NCOA3: variants seen among roughly 807,000 people sequenced by gnomAD.
The protein encoded by NCOA3 is nuclear receptor coactivator 3.
A neutral mutation model predicts 158.8 loss-of-function variants in NCOA3; 51 were observed. That is an observed-to-expected ratio of 0.32 (90% CI 0.26 to 0.41). The LOEUF is 0.41. Ranked by LOEUF, NCOA3 falls within the 10% of genes least tolerant of loss-of-function variation. NCOA3 has a pLI of 1.00. For missense variants in NCOA3, 1,510 were observed against 1,746.6 expected, an observed-to-expected ratio of 0.86 and a Z score of 2.41; for synonymous variants, 537 against 592.4, an observed-to-expected ratio of 0.91 and a Z score of 1.36.
At position 47,656,187 on chromosome 20, in the gene NCOA3, G is replaced by GATCAGAATGAT; in HGVS notation, c.*2773_*2783dup. ...AAATAAAATATATATATTTTATAAA[G>GATCAGAATGAT]ATCAGAATGATATAAAGGAGATACA... On this transcript the variant is annotated 3_prime_UTR_variant, in exon 23 of 23. Coordinates refer to ENST00000371998, the MANE Select transcript of NCOA3 (RefSeq NM_181659.3). 1 of 142,718 alleles carries GATCAGAATGAT rather than the reference G, an allele frequency of 7.0e-6. No homozygotes were observed. Among genetic ancestry groups the GATCAGAATGAT allele is most frequent in the African/African-American group, 2.6e-5 (1 of 38,720 alleles). The allele number at this position is 142,718 out of a possible 1,614,324, so 8.8% of individuals were successfully genotyped here.
chr20:47,545,503 T>A (rs2084814020), intron 1 of NCOA3, among the ~76,000 whole-genome samples: 1 of 152,122 alleles, frequency 6.6e-6, no homozygotes, highest in South Asian at 2.1e-4. Flanking sequence ...TGTTGGTTGG[T>A]CTGACACATT....
intron 2 of NCOA3, among the ~76,000 whole-genome samples, chr20:47,584,354 G>A (rs981843446): frequency 2.0e-4 from 30 of 151,930 alleles, no homozygotes; most frequent in African/African-American, 4.8e-5. Context: ...ATGCGGTGGC[G>A]CATGCCTGTA....
Position 47,635,656 on chromosome 20 carries a change from TCTC to T in NCOA3, c.1451_1453del (p.Pro484del), listed in dbSNP as rs769649621. The T allele has an allele frequency of 6.2e-7, 1 of 1,614,156 alleles. No homozygotes were observed. The highest frequency in any genetic ancestry group is 1.7e-5 in the Admixed American group (1 of 60,020). On this transcript the variant is annotated inframe_deletion, in exon 11 of 23. Transcript: ENST00000371998. ...CCCAAACCAGCAGAATATCATGATT[TCTC>T]CTCGTAATCGTGGGAGTCCAAAGAT...
intron 4 of NCOA3, among the ~76,000 whole-genome samples, chr20:47,624,692 T>C (rs2086293805): frequency 6.6e-6 from 1 of 152,184 alleles, no homozygotes; most frequent in African/African-American, 2.4e-5. Flanking sequence ...TGCTCCTTTG[T>C]TTGGGTAGAG....
intron 1 of NCOA3, among the ~76,000 whole-genome samples, chr20:47,543,983 TTTTGAAATAATTTTAGAC>T (rs1209954359): frequency 6.6e-6 from 1 of 152,184 alleles, no homozygotes; most frequent in African/African-American, 2.4e-5. Flanking sequence ...AAAAAAACTA[TTTTGAAATAATTTTAGAC>T]TTTTGGGAAT....
rs562506410 is a variant in NCOA3, at chr20:47,633,484, T to C, written c.824-12T>C. 4 of 1,596,778 alleles carry C rather than the reference T, an allele frequency of 2.5e-6. No individual in the cohort carries two copies. The highest frequency in any genetic ancestry group is 1.8e-5 in the Admixed American group (1 of 55,360). On this transcript the variant is annotated splice_polypyrimidine_tract_variant and intron_variant, in intron 8 of 22. Transcript: ENST00000371998. The stretch of plus-strand genomic sequence containing the variant: ...TGGATATAAGTCTTTTTTTCCTTTT[T>C]TTGTTTAATAGGAAAGGTTGTCAAT...
chr20:47,502,239 A>C (rs2083944349), intron 1 of NCOA3, among the ~76,000 whole-genome samples: 1 of 152,084 alleles, frequency 6.6e-6, no homozygotes, highest in Non-Finnish European at 1.5e-5. Context: ...GTAGGAGCTG[A>C]GACGAAGCTG....
At chr20:47,604,353 CA>C (rs2085910506) in intron 2 of NCOA3, among the ~76,000 whole-genome samples, 1 of 152,194 alleles carries the variant, frequency 6.6e-6, no homozygotes, top group Non-Finnish European at 1.5e-5. Context: ...TTCCCCTCTT[CA>C]CTATGCTTCA....
rs770678493 is a variant in NCOA3, at chr20:47,634,107, A to G, written c.1024A>G (p.Ile342Val). The G allele has an allele frequency of 3.1e-6, 5 of 1,614,204 alleles. No individual in the cohort carries two copies. The African/African-American group carries it at 6.7e-5, about 22-fold the overall frequency. ...VYRFSLADGT[I>V]VTAQTKSKLF... ...TCGATTCTCGTTGGCTGATGGAACT[A>G]TAGTGACTGCACAGACAAAAAGCAA... Residue 342 changes from isoleucine (I) to valine (V), a missense_variant, in exon 10 of 23, where the codon ATA becomes GTA. Ile to Val is a conservative substitution (Grantham distance 29). Around this residue, in one of 4 missense-constraint regions of NCOA3, gnomAD observed 309 missense variants for 427.1 expected, o/e 0.72. Coordinates refer to ENST00000371998, the MANE Select transcript of NCOA3 (RefSeq NM_181659.3).
At chr20:47,551,352 C>G (rs2084924221) in intron 1 of NCOA3, among the ~76,000 whole-genome samples, 1 of 152,106 alleles carries the variant, frequency 6.6e-6, no homozygotes, top group Non-Finnish European at 1.5e-5. Context: ...TGTTGTCAGG[C>G]TCCGTGCTGG....
intron 2 of NCOA3, among the ~76,000 whole-genome samples, chr20:47,600,627 A>G (rs2085845515): frequency 2.1e-5 from 3 of 141,548 alleles, no homozygotes; most frequent in Admixed American, 2.1e-4. Flanking sequence ...CAGTCCTGCC[A>G]CCTAAGCCAC....
chr20:47,630,574 TGCCTCA>T (rs2086397962), intron 8 of NCOA3: 1 of 148,400 alleles, frequency 6.7e-6, no homozygotes, highest in African/African-American at 2.5e-5. Flanking sequence ...ACCATTCTCC[TGCCTCA>T]GCCTCCCGAG....
At chr20:47,561,336 T>C (rs1053406036) in intron 1 of NCOA3, among the ~76,000 whole-genome samples, 4 of 150,256 alleles carry the variant, frequency 2.7e-5, no homozygotes, top group Non-Finnish European at 5.9e-5. Flanking sequence ...GGTCTCGATC[T>C]GTTGCCCAGA....
chr20:47,655,087 C>G lies in NCOA3; in HGVS notation c.*1670C>G, dbSNP rs1275199521. On this transcript the variant is annotated 3_prime_UTR_variant, in exon 23 of 23. Coordinates refer to ENST00000371998, the MANE Select transcript of NCOA3 (RefSeq NM_181659.3). ...AGTGTCAGTTATTTCTTAAGTAACT[C>G]AGTACCCAGAACAGCCAGTTTTACT... is the stretch of plus-strand genomic sequence containing the variant. 1 of 152,138 alleles carries G rather than the reference C, an allele frequency of 6.6e-6. No individual in the cohort carries two copies. The highest frequency in any genetic ancestry group is 1.5e-5 in the Non-Finnish European group (1 of 68,040). The allele number at this position is 152,138 out of a possible 1,614,324, so 9.4% of individuals were successfully genotyped here. A position where few individuals can be genotyped will look rare whatever the true frequency, so the allele number is the denominator to read the frequency against.
In NCOA3 at chr20:47,632,737, C is replaced by T. The variant is rs550561908; in HGVS notation, c.824-759C>T. Among the ~76,000 whole-genome samples, 15 of 150,140 alleles carry T rather than the reference C, an allele frequency of 1.0e-4. 1 individual carries two copies. The highest frequency in any genetic ancestry group is 7.8e-4 in the East Asian group (4 of 5,120). ...CTCATTCTATTGCCAGGCCGGAGTG[C>T]GGTGGCATGATCTCGGCTCACTGCA... On this transcript the variant is annotated intron_variant, in intron 8 of 22. Coordinates refer to ENST00000371998, the MANE Select transcript of NCOA3 (RefSeq NM_181659.3).
At position 47,534,128 on chromosome 20, in the gene NCOA3, A is replaced by G. The variant is rs374752050; in HGVS notation, c.-99+32109A>G. Among the ~76,000 whole-genome samples the G allele has an allele frequency of 1.8e-4, 27 of 151,554 alleles. 1 individual carries two copies. In the East Asian group the frequency reaches 4.3e-3, roughly 24 times the overall value. On this transcript the variant is annotated intron_variant, in intron 1 of 22. Coordinates refer to ENST00000371998, the MANE Select transcript of NCOA3 (RefSeq NM_181659.3). ...TCAGTGGGGGGGGCGGGGGGTGAAGAGGGAAGAGAAGAATCAAGCATAATT... is the reference window on the plus strand; with the variant it reads ...TCAGTGGGGGGGGCGGGGGGTGAAGGGGGAAGAGAAGAATCAAGCATAATT...
chr20:47,585,212 C>T (rs899176029), intron 2 of NCOA3, among the ~76,000 whole-genome samples: 11 of 152,006 alleles, frequency 7.2e-5, no homozygotes, highest in East Asian at 1.9e-4. Flanking sequence ...CGGCCACATC[C>T]GGCTAAGTTT....
At chr20:47,510,774 GTA>G (rs2084109241) in intron 1 of NCOA3, among the ~76,000 whole-genome samples, 1 of 151,944 alleles carries the variant, frequency 6.6e-6, no homozygotes, top group African/African-American at 2.4e-5. Flanking sequence ...TTTAAGTTTT[GTA>G]TAGAAGGTGT....
At chr20:47,638,547 A>G (rs569489028) in intron 13 of NCOA3, among the ~76,000 whole-genome samples, 12 of 152,008 alleles carry the variant, frequency 7.9e-5, no homozygotes, top group South Asian at 2.1e-4. Context: ...AGTGGGGGGG[A>G]AAAAAAGAAG....
Sources: allele counts gnomAD v4.1 joint callset (sites outside exome capture counted in the v4.1 genomes callset), GRCh38; gene constraint gnomAD v4.1.1; regional missense constraint gnomAD v4.1.1; transcripts MANE v1.5; gene names NCBI Gene and HGNC (gene_info 2026-07-23, HGNC 2026-07-21).